CSMD3: variants seen among roughly 807,000 people sequenced by gnomAD.
The protein encoded by CSMD3 is CUB and sushi domain-containing protein 3.
A neutral mutation model predicts 435.2 loss-of-function variants in CSMD3; 177 were observed. The ratio of observed to expected loss-of-function variants is 0.41; its 90% CI spans 0.36 to 0.46. The LOEUF is 0.46. Among genes scored for constraint, CSMD3 ranks in the 20% least tolerant of loss-of-function variants. CSMD3 has a pLI of 0.34. For synonymous variants in CSMD3, 1,656 were observed against 1,520.5 expected (o/e 1.09, Z -2.07); for missense variants, 4,265 against 4,504.6 (o/e 0.95, Z 1.52).
chr8:112,604,490 C>T (rs1350264376), intron 22 of CSMD3, among the ~76,000 whole-genome samples: 1 of 152,002 alleles, frequency 6.6e-6, no homozygotes, highest in African/African-American at 2.4e-5. Context: ...ACACCTACAA[C>T]GATCTGATCT....
chr8:113,107,421 A>G (rs925015970), intron 4 of CSMD3, among the ~76,000 whole-genome samples: 23 of 152,282 alleles, frequency 1.5e-4, no homozygotes, highest in African/African-American at 5.3e-4. Context: ...GAATACTGTT[A>G]TGCAATTGTC....
At chr8:113,128,097 G>A (rs1190001174) in intron 4 of CSMD3, among the ~76,000 whole-genome samples, 1 of 152,052 alleles carries the variant, frequency 6.6e-6, no homozygotes, top group Non-Finnish European at 1.5e-5. Flanking sequence ...CTTCATTTCA[G>A]ATCTTTGTTT....
At chr8:112,940,004 C>G (rs1564128131) in intron 9 of CSMD3, among the ~76,000 whole-genome samples, 2 of 151,848 alleles carry the variant, frequency 1.3e-5, no homozygotes, top group Non-Finnish European at 2.9e-5. Flanking sequence ...AGACAGAACA[C>G]CTTTGGAAGC....
At chr8:113,256,254 T>C (rs148081709) in intron 3 of CSMD3, among the ~76,000 whole-genome samples, 4 of 152,322 alleles carry the variant, frequency 2.6e-5, no homozygotes, top group East Asian at 1.9e-4. Flanking sequence ...TTAGATAATA[T>C]AGTTCAAATC....
At chr8:113,021,677 A>G (rs1053330357) in intron 5 of CSMD3, among the ~76,000 whole-genome samples, 5 of 152,182 alleles carry the variant, frequency 3.3e-5, no homozygotes, top group African/African-American at 1.2e-4. Flanking sequence ...TTCCAGGGAC[A>G]TGAAAGGTAA....
At chr8:112,659,160 A>C (rs2131674132) in intron 17 of CSMD3, among the ~76,000 whole-genome samples, 1 of 149,708 alleles carries the variant, frequency 6.7e-6, no homozygotes, top group Non-Finnish European at 1.5e-5. Flanking sequence ...CTGGTGATAT[A>C]AAGAACATTG....
At chr8:112,546,028 C>A (rs1360952540) in intron 27 of CSMD3, among the ~76,000 whole-genome samples, 1 of 152,112 alleles carries the variant, frequency 6.6e-6, no homozygotes, top group African/African-American at 2.4e-5. Context: ...TGGAAAATGA[C>A]TAAAATTGTA....
intron 57 of CSMD3, among the ~76,000 whole-genome samples, chr8:112,287,478 A>G (rs1483097299): frequency 6.6e-6 from 1 of 152,112 alleles, no homozygotes; most frequent in Non-Finnish European, 1.5e-5. Context: ...GAATTTGGAG[A>G]CGTTAAATAG....
At chr8:113,289,884 A>T (rs2093673771) in intron 2 of CSMD3, among the ~76,000 whole-genome samples, 1 of 151,668 alleles carries the variant, frequency 6.6e-6, no homozygotes. Context: ...TTTAACTCAA[A>T]ATTTATGGCT....
chr8:112,764,403 T>G (rs992463972), intron 13 of CSMD3, among the ~76,000 whole-genome samples: 1 of 151,432 alleles, frequency 6.6e-6, no homozygotes, highest in South Asian at 2.1e-4. Context: ...AAAAAAAAAG[T>G]ACTTATTTCC....
chr8:112,305,233 A>G (rs1473706286), intron 51 of CSMD3, among the ~76,000 whole-genome samples: 1 of 152,048 alleles, frequency 6.6e-6, no homozygotes, highest in Non-Finnish European at 1.5e-5. Context: ...TTTTGAGGAA[A>G]TTTTTTTGAT....
At chr8:113,283,911 A>T (rs2093628729) in intron 2 of CSMD3, among the ~76,000 whole-genome samples, 1 of 152,188 alleles carries the variant, frequency 6.6e-6, no homozygotes, top group Middle Eastern at 3.2e-3. Flanking sequence ...TCAGCCATAA[A>T]AAGGAATGAA....
At position 112,926,048 on chromosome 8, in the gene CSMD3, A is replaced by G. The variant is rs528895665; in HGVS notation, c.1509-4297T>C. On this transcript the variant is annotated intron_variant, in intron 9 of 70. Coordinates refer to ENST00000297405, the MANE Select transcript of CSMD3 (RefSeq NM_198123.2). ...CAGGATCACAGCTACACTTCAACAT[A>G]TTCTAGACCAAAAATATAAAAGTGC... Among the ~76,000 whole-genome samples the G allele has an allele frequency of 3.9e-5, 6 of 152,354 alleles. No homozygotes were observed. In the South Asian group the frequency reaches 1.2e-3, roughly 32 times the overall value.
intron 3 of CSMD3, among the ~76,000 whole-genome samples, chr8:113,225,719 A>G (rs1412756270): frequency 2.0e-5 from 3 of 151,464 alleles, no homozygotes; most frequent in Admixed American, 6.6e-5. Context: ...ATTCAGGGGG[A>G]AAAAAGCTAG....
At chr8:112,332,372 T>C (rs568676493) in intron 45 of CSMD3, among the ~76,000 whole-genome samples, 1 of 152,064 alleles carries the variant, frequency 6.6e-6, no homozygotes, top group African/African-American at 2.4e-5. Flanking sequence ...ACCAAGAGTA[T>C]TTATGATGGA....
At chr8:113,396,058 C>A (rs929164120) in intron 1 of CSMD3, among the ~76,000 whole-genome samples, 3 of 152,012 alleles carry the variant, frequency 2.0e-5, no homozygotes, top group Non-Finnish European at 2.9e-5. Context: ...TTTCACTAAC[C>A]ATGTCATAGT....
intron 3 of CSMD3, among the ~76,000 whole-genome samples, chr8:113,187,955 T>G (rs1461264089): frequency 1.3e-5 from 2 of 152,002 alleles, no homozygotes; most frequent in Non-Finnish European, 2.9e-5. Context: ...GTTTCATGTA[T>G]TCTTGCTTCA....
intron 5 of CSMD3, among the ~76,000 whole-genome samples, chr8:113,050,225 T>A (rs2088027847): frequency 6.6e-6 from 1 of 152,024 alleles, no homozygotes; most frequent in South Asian, 2.1e-4. Context: ...GTAACATATA[T>A]GTGTATGTAT....
chr8:112,551,166 A>C (rs1827651299), intron 26 of CSMD3, among the ~76,000 whole-genome samples: 1 of 152,120 alleles, frequency 6.6e-6, no homozygotes, highest in Admixed American at 6.6e-5. Flanking sequence ...GGGGACATTT[A>C]TAGATAATCT....
Sources: allele counts gnomAD v4.1 joint callset (sites outside exome capture counted in the v4.1 genomes callset), GRCh38; gene constraint gnomAD v4.1.1; transcripts MANE v1.5; gene names NCBI Gene and HGNC (gene_info 2026-07-23, HGNC 2026-07-21).